Variants in SOX5 observed in about 807,000 individuals in gnomAD.
SOX5 encodes transcription factor SOX-5.
SOX5 carries 9 observed loss-of-function variants against 92.0 expected under a neutral mutation model. That is an observed-to-expected ratio of 0.10 (90% CI 0.06 to 0.17). SOX5 has a LOEUF of 0.17. SOX5 is among the 10% of genes least tolerant of loss of function. The pLI is 1.00. For missense variants in SOX5, 642 were observed against 944.5 expected (o/e 0.68, Z 4.20); for synonymous variants, 344 against 336.3 (o/e 1.02, Z -0.25).
At chr12:23,987,459 G>T (rs1950160586) in intron 4 of SOX5, among the ~76,000 whole-genome samples, 1 of 152,194 alleles carries the variant, frequency 6.6e-6, no homozygotes, top group Non-Finnish European at 1.5e-5. Context: ...TAGGGTAGCA[G>T]ATAGACAGTA....
intron 9 of SOX5, among the ~76,000 whole-genome samples, chr12:23,577,453 C>A (rs1360055256): frequency 1.3e-5 from 2 of 151,850 alleles, no homozygotes; most frequent in Non-Finnish European, 2.9e-5. Flanking sequence ...CCTGCGTTGG[C>A]CTCCCAAAGT....
At chr12:23,861,199 G>A (rs528200311) in intron 2 of SOX5, among the ~76,000 whole-genome samples, 86 of 152,184 alleles carry the variant, frequency 5.7e-4, no homozygotes, top group African/African-American at 2.0e-3. Context: ...CTCTCAGAAC[G>A]CTGAGTTCTT....
In SOX5 at chr12:24,050,850, A is replaced by C. The variant is rs75088994; in HGVS notation, c.-1-154826T>G. On this transcript the variant is annotated intron_variant, in intron 4 of 4. Coordinates refer to the SOX5 transcript ENST00000446891. Reference sequence around the variant, plus strand: ...TGAAGCCATTCTTCTTCTTCTTATTATTATTATTATTTGGAGAGGTCTCCT... The same window carrying C: ...TGAAGCCATTCTTCTTCTTCTTATTCTTATTATTATTTGGAGAGGTCTCCT... Among the ~76,000 whole-genome samples, 1,370 of 152,174 alleles carry C rather than the reference A, an allele frequency of 9.0e-3. 16 individuals are homozygous for C. The highest frequency in any genetic ancestry group is 0.03 in the African/African-American group (1,227 of 41,554).
At chr12:23,545,773 A>T (rs1388664215) in intron 12 of SOX5, among the ~76,000 whole-genome samples, 2 of 152,140 alleles carry the variant, frequency 1.3e-5, no homozygotes, top group East Asian at 3.9e-4. Flanking sequence ...GCAGTAACTC[A>T]CGCCTATAAA....
rs183981764 is a variant in SOX5 at position 23,692,155 on chromosome 12, G to A, written c.811-26591C>T. 7.0e-3 allele frequency among the ~76,000 whole-genome samples: 1,064 copies of A among 152,122 alleles called. 6 individuals carry two copies. The highest frequency in any genetic ancestry group is 0.033 in the South Asian group (159 of 4,818). ...GATTATTTAAAAATGATTTATGGCT[G>A]GGCACGGTGGCTCACGCCTGTAATC... On this transcript the variant is annotated intron_variant, in intron 6 of 14. Transcript: ENST00000451604.
chr12:24,342,436 C>A (rs887851225), intron 2 of SOX5, among the ~76,000 whole-genome samples: 2 of 152,188 alleles, frequency 1.3e-5, no homozygotes, highest in African/African-American at 2.4e-5. Flanking sequence ...CAAATATATT[C>A]TATCACCAAA....
intron 4 of SOX5, among the ~76,000 whole-genome samples, chr12:24,108,125 T>A (rs1946892126): frequency 6.6e-6 from 1 of 152,202 alleles, no homozygotes; most frequent in Non-Finnish European, 1.5e-5. Flanking sequence ...CAGATTTCCA[T>A]TGTTTCTCTG....
At chr12:24,239,116 T>G (rs1380867250) in intron 3 of SOX5, among the ~76,000 whole-genome samples, 2 of 152,216 alleles carry the variant, frequency 1.3e-5, no homozygotes, top group Non-Finnish European at 2.9e-5. Context: ...CATCATTCAA[T>G]ATTGCATTAC....
exon 1 of SOX5, chr12:24,562,416 G>A (rs1157273211): frequency 6.5e-6 from 1 of 152,894 alleles, no homozygotes; most frequent in African/African-American, 2.4e-5. Flanking sequence ...GAGGAGACTG[G>A]AGATGGGTTT....
intron 2 of SOX5, among the ~76,000 whole-genome samples, chr12:23,847,928 AAC>A (rs139563978): frequency 1.3e-5 from 2 of 151,602 alleles, no homozygotes; most frequent in African/African-American, 4.8e-5. Context: ...CAAACACATA[AAC>A]ACACACACAC....
intron 1 of SOX5, among the ~76,000 whole-genome samples, chr12:24,399,117 G>A (rs1307882404): frequency 6.6e-6 from 1 of 152,084 alleles, no homozygotes; most frequent in Non-Finnish European, 1.5e-5. Flanking sequence ...ACTAAAGGAA[G>A]GGCAGTCAAA....
intron 4 of SOX5, among the ~76,000 whole-genome samples, chr12:24,162,287 T>G (rs1952843843): frequency 1.3e-5 from 2 of 152,132 alleles, no homozygotes; most frequent in South Asian, 4.1e-4. Flanking sequence ...AAACAAAGGT[T>G]GAGAATGCTT....
At chr12:24,446,578 T>G (rs1320341771) in intron 1 of SOX5, among the ~76,000 whole-genome samples, 1 of 151,594 alleles carries the variant, frequency 6.6e-6, no homozygotes, top group Non-Finnish European at 1.5e-5. Context: ...TGGGGAAGAG[T>G]GACATGACTG....
At chr12:24,352,894 C>T (rs556815028) in intron 2 of SOX5, among the ~76,000 whole-genome samples, 6 of 152,168 alleles carry the variant, frequency 3.9e-5, no homozygotes, top group African/African-American at 1.2e-4. Context: ...TGTGCACGGG[C>T]CTCACTGGAA....
chr12:24,493,877 AT>A (rs1157917210), intron 1 of SOX5, among the ~76,000 whole-genome samples: 119 of 151,550 alleles, frequency 7.9e-4, no homozygotes, highest in African/African-American at 2.7e-3. Context: ...AAAAAAAAAA[AT>A]AGTTTGTTTT....
intron 2 of SOX5, among the ~76,000 whole-genome samples, chr12:23,881,264 C>A (rs1411928938): frequency 6.6e-6 from 1 of 152,180 alleles, no homozygotes; most frequent in Non-Finnish European, 1.5e-5. Context: ...TCACTTTATA[C>A]AATTGCCATG....
At chr12:24,493,704 A>C (rs1260936443) in intron 1 of SOX5, among the ~76,000 whole-genome samples, 4 of 152,096 alleles carry the variant, frequency 2.6e-5, no homozygotes, top group African/African-American at 9.7e-5. Context: ...CTCTACTAAA[A>C]ATACAAAAAA....
At chr12:24,102,065 A>G (rs1946154798) in intron 4 of SOX5, among the ~76,000 whole-genome samples, 1 of 152,188 alleles carries the variant, frequency 6.6e-6, no homozygotes, top group South Asian at 2.1e-4. Flanking sequence ...CCAAATCTCC[A>G]TTAAATTATC....
At chr12:24,398,913 C>T (rs1246940601) in intron 1 of SOX5, among the ~76,000 whole-genome samples, 2 of 152,160 alleles carry the variant, frequency 1.3e-5, no homozygotes, top group Non-Finnish European at 2.9e-5. Flanking sequence ...GGGCTCCACA[C>T]CTGTGTCAGA....
Sources: allele counts gnomAD v4.1 joint callset (sites outside exome capture counted in the v4.1 genomes callset), GRCh38; gene constraint gnomAD v4.1.1; transcripts MANE v1.5; gene names NCBI Gene and HGNC (gene_info 2026-07-23, HGNC 2026-07-21).